The following SENP7 variants were observed in gnomAD, a reference collection of about 807,000 sequenced individuals.
The protein encoded by SENP7 is sentrin-specific protease 7.
Under a neutral mutation model 141.2 loss-of-function variants are expected in SENP7, and 64 were observed. That is an observed-to-expected ratio of 0.45 (90% confidence interval 0.37 to 0.56). The LOEUF (loss-of-function observed/expected upper bound fraction) is 0.56. Among genes scored for constraint, SENP7 ranks in the 20% least tolerant of loss-of-function variants. The pLI, the probability that SENP7 is intolerant of heterozygous loss-of-function variation, is 0.00. For synonymous variants in SENP7, 382 were observed against 426.4 expected, an observed-to-expected ratio of 0.90 and a Z score of 1.28; for missense variants, 1,025 against 1,212.2, an observed-to-expected ratio of 0.85 and a Z score of 2.29.
At chr3:101,365,016 TTTTG>T in intron 9 of SENP7, 25 bp from the exon 10 acceptor site, 1 of 1,357,136 alleles carries the variant, frequency 7.4e-7, no homozygotes, top group Non-Finnish European at 9.7e-7. Context: ...AAAAATGTAT[TTTTG>T]TTTATTTATT....
chr3:101,463,400 T>TATATATAC (rs2063648618), intron 3 of SENP7, among the ~76,000 whole-genome samples: 1 of 77,986 alleles, frequency 1.3e-5, no homozygotes, highest in Non-Finnish European at 2.4e-5. Flanking sequence ...TATATATACA[T>TATATATAC]ATATATATAT....
chr3:101,505,013 C>G (rs1456750220), intron 1 of SENP7, among the ~76,000 whole-genome samples: 2 of 151,722 alleles, frequency 1.3e-5, no homozygotes, highest in Non-Finnish European at 2.9e-5. Flanking sequence ...TGCAGTGGGC[C>G]GTTTTTGCAC....
chr3:101,485,480 C>T (rs539664821), intron 3 of SENP7, among the ~76,000 whole-genome samples: 5 of 152,218 alleles, frequency 3.3e-5, no homozygotes, highest in South Asian at 2.1e-4. Flanking sequence ...TGGGAAGACT[C>T]GCTGGGTGGC....
chr3:101,437,643 A>G (rs1164497782), intron 4 of SENP7, among the ~76,000 whole-genome samples: 1 of 152,172 alleles, frequency 6.6e-6, no homozygotes, highest in Non-Finnish European at 1.5e-5. Flanking sequence ...CAGGAGGATG[A>G]GGCTACAGTG....
At chr3:101,344,577 A>C (rs973905946) in intron 13 of SENP7, among the ~76,000 whole-genome samples, 1 of 152,342 alleles carries the variant, frequency 6.6e-6, no homozygotes, top group East Asian at 1.9e-4. Flanking sequence ...AAAGAACCTT[A>C]CTAAATTTGA....
intron 2 of SENP7, among the ~76,000 whole-genome samples, chr3:101,496,539 G>C (rs979763718): frequency 6.7e-6 from 1 of 149,326 alleles, no homozygotes; most frequent in East Asian, 2.0e-4. Flanking sequence ...GCTGGGTTTA[G>C]AGGCATGAGC....
chr3:101,426,825 T>C (rs934048099), intron 4 of SENP7, among the ~76,000 whole-genome samples: 1 of 152,086 alleles, frequency 6.6e-6, no homozygotes, highest in African/African-American at 2.4e-5. Context: ...GGAAATTGAT[T>C]ACCACACGAC....
chr3:101,415,442 G>A (rs192266499), intron 5 of SENP7, among the ~76,000 whole-genome samples: 1 of 147,920 alleles, frequency 6.8e-6, no homozygotes, highest in South Asian at 2.2e-4. Context: ...CCTTGGAAGA[G>A]AAAGGGGTTT....
At chr3:101,440,541 C>T (rs1223999523) in intron 4 of SENP7, among the ~76,000 whole-genome samples, 1 of 131,770 alleles carries the variant, frequency 7.6e-6, no homozygotes, top group Non-Finnish European at 1.6e-5. Flanking sequence ...AAATCCCCCT[C>T]TGTGAGAAAC....
chr3:101,348,610 C>T (rs1321875376), intron 12 of SENP7, among the ~76,000 whole-genome samples: 3 of 152,020 alleles, frequency 2.0e-5, no homozygotes, highest in Non-Finnish European at 4.4e-5. Flanking sequence ...ACAGATAAGC[C>T]ACTATCAAAA....
intron 1 of SENP7, 123 bp from the exon 2 acceptor site, chr3:101,501,242 T>C: frequency 1.6e-6 from 1 of 633,292 alleles, no homozygotes; most frequent in Non-Finnish European, 2.6e-6. Flanking sequence ...ATTTAGAATT[T>C]ACACATTTTA....
At chr3:101,387,325 T>A (rs1025212073) in intron 6 of SENP7, among the ~76,000 whole-genome samples, 2 of 150,872 alleles carry the variant, frequency 1.3e-5, no homozygotes, top group Non-Finnish European at 1.5e-5. Flanking sequence ...CCCACCAACA[T>A]CACAGGCAGC....
chr3:101,357,717 T>A, intron 11 of SENP7: 1 of 688,920 alleles, frequency 1.5e-6, no homozygotes, highest in South Asian at 1.6e-5. Flanking sequence ...TCTCATAAAT[T>A]TTCAAAGTCA....
intron 11 of SENP7, among the ~76,000 whole-genome samples, chr3:101,357,127 A>G (rs1407484138): frequency 6.6e-6 from 1 of 152,006 alleles, no homozygotes; most frequent in Non-Finnish European, 1.5e-5. Context: ...CAGCCTCCCA[A>G]GTAGGTGGGA....
intron 3 of SENP7, among the ~76,000 whole-genome samples, chr3:101,479,406 A>G (rs1055588311): frequency 8.5e-5 from 13 of 152,130 alleles, no homozygotes; most frequent in Admixed American, 2.6e-4. Flanking sequence ...GACCAGCCTG[A>G]GCAACATGGC....
intron 4 of SENP7, among the ~76,000 whole-genome samples, chr3:101,427,792 A>G (rs1381995358): frequency 6.6e-6 from 1 of 151,914 alleles, no homozygotes; most frequent in Non-Finnish European, 1.5e-5. Context: ...GCTTTGCTGC[A>G]CTCATCCACT....
chr3:101,385,210 A>G (rs1431924330), intron 6 of SENP7, among the ~76,000 whole-genome samples: 1 of 152,124 alleles, frequency 6.6e-6, no homozygotes, highest in South Asian at 2.1e-4. Context: ...GCATTGACAT[A>G]TAGACAAAAA....
At chr3:101,441,333 G>T (rs2062663200) in intron 4 of SENP7, among the ~76,000 whole-genome samples, 1 of 152,032 alleles carries the variant, frequency 6.6e-6, no homozygotes, top group Non-Finnish European at 1.5e-5. Context: ...ACACCACCTG[G>T]GGACCCAAGG....
At chr3:101,411,552 T>C (rs2061458945) in intron 5 of SENP7, among the ~76,000 whole-genome samples, 1 of 152,154 alleles carries the variant, frequency 6.6e-6, no homozygotes, top group Non-Finnish European at 1.5e-5. Flanking sequence ...AGAACACAAA[T>C]CTATAAACTG....
Sources: allele counts gnomAD v4.1 joint callset (sites outside exome capture counted in the v4.1 genomes callset), GRCh38; gene constraint gnomAD v4.1.1; transcripts MANE v1.5; gene names NCBI Gene and HGNC (gene_info 2026-07-23, HGNC 2026-07-21).